SLC2A11: variants seen among roughly 807,000 people sequenced by gnomAD.
SLC2A11 encodes the protein solute carrier family 2, facilitated glucose transporter member 11.
A neutral mutation model predicts 52.1 loss-of-function variants in SLC2A11; 43 were observed. The ratio of observed to expected loss-of-function variants is 0.82; its 90% CI spans 0.65 to 1.06. The LOEUF (loss-of-function observed/expected upper bound fraction) is 1.06. Ranked by LOEUF, SLC2A11 falls within the 50% of genes least tolerant of loss-of-function variation. SLC2A11 has a pLI of 0.00. For missense variants in SLC2A11, 582 were observed against 654.2 expected (o/e 0.89, Z 1.20); for synonymous variants, 261 against 277.6 (o/e 0.94, Z 0.59).
At chr22:23,883,166 G>A in intron 8 of SLC2A11, 1 of 444,414 alleles carries the variant, frequency 2.3e-6, no homozygotes, top group Non-Finnish European at 4.2e-6. Flanking sequence ...GGAGGCTGAG[G>A]CAGGAGAATC....
rs756850956 is a variant in SLC2A11, at chr22:23,882,541, C to T, written c.777C>T (p.Cys259=). ...AGGAGCGCGCTGCCTGCCAGGGCTG[C>T]CGTGCCCGGCGCCCATGGGAGCTGT... ...LEEERAACQG[C]RARRPWELFQ... The change falls in exon 7 of 12, where the codon TGC becomes TGT. Residue 259 remains cysteine (C), a synonymous_variant. Coordinates refer to ENST00000316185, the MANE Select transcript of SLC2A11 (RefSeq NM_001024939.4). The T allele has an allele frequency of 1.9e-6, 3 of 1,607,968 alleles. No individual in the cohort carries two copies. In the Admixed American group the frequency reaches 5.0e-5, roughly 27 times the overall value.
upstream of SLC2A11, chr22:23,857,084 G>GGC: frequency 8.8e-7 from 1 of 1,137,572 alleles, no homozygotes; most frequent in South Asian, 1.3e-5. Flanking sequence ...GGGGGGGGGG[G>GGC]GGTGTAGGTG....
intron 2 of SLC2A11, chr22:23,865,999 C>T (rs951490764): frequency 6.6e-6 from 1 of 151,810 alleles, no homozygotes; most frequent in Non-Finnish European, 1.5e-5. Context: ...GACCCAGTAT[C>T]TACAAAAAAG....
intron 1 of SLC2A11, among the ~76,000 whole-genome samples, chr22:23,858,993 C>T (rs979784088): frequency 6.6e-6 from 1 of 152,224 alleles, no homozygotes; most frequent in Non-Finnish European, 1.5e-5. Flanking sequence ...TAGCTAATGT[C>T]TGAATGCTTA....
At chr22:23,862,237 C>CT in intron 2 of SLC2A11, 35 bp downstream of exon 2, 1 of 1,594,084 alleles carries the variant, frequency 6.3e-7, no homozygotes, top group South Asian at 1.1e-5. Context: ...CTGTCCCTGT[C>CT]TGAGTGGGTA....
At chr22:23,857,164 G>A (rs2031863465), upstream of SLC2A11, 3 of 984,182 alleles carry the variant, frequency 3.0e-6, no homozygotes, top group Non-Finnish European at 4.5e-6. Context: ...TGGCCTCCGA[G>A]GTTCTGGCGG....
chr22:23,878,427 C>T (rs1473749361), intron 6 of SLC2A11, among the ~76,000 whole-genome samples: 2 of 152,162 alleles, frequency 1.3e-5, no homozygotes, highest in African/African-American at 4.8e-5. Context: ...AGCCATTCAG[C>T]TTTGCTGCAC....
chr22:23,883,511 A>T, intron 8 of SLC2A11: 1 of 467,584 alleles, frequency 2.1e-6, no homozygotes. Flanking sequence ...CAATCAATCA[A>T]TCAATGCAGT....
chr22:23,872,551 C>A (rs751399134), intron 3 of SLC2A11: 5 of 152,328 alleles, frequency 3.3e-5, no homozygotes, highest in Admixed American at 1.3e-4. Context: ...GTTGCTAGTA[C>A]TCTGCGATGT....
chr22:23,869,177 C>T (rs765819613), intron 3 of SLC2A11: 2 of 153,458 alleles, frequency 1.3e-5, no homozygotes, highest in African/African-American at 4.8e-5. Context: ...TGGTGAGACC[C>T]CATCTCTACA....
chr22:23,875,344 A>T, intron 4 of SLC2A11, 103 bp downstream of exon 4: 3 of 1,229,406 alleles, frequency 2.4e-6, no homozygotes, highest in Non-Finnish European at 3.1e-6. Flanking sequence ...CCCTTTATTC[A>T]TTCATTTATT....
rs1379790901 is a variant in SLC2A11, at chr22:23,883,817, G to A, written c.1039G>A (p.Gly347Arg). ...RVGRRVLLIG[G>R]YSLMTCWGSI... is the part of the protein sequence containing the mutation. ...GGGTCGGCGCGTGCTGCTCATCGGT[G>A]GGTACAGCCTGATGACCTGCTGGGG... Residue 347 changes from glycine to arginine, a missense_variant, in exon 9 of 12, where the codon GGG becomes AGG. By Grantham distance (125) the Gly-to-Arg change is moderately radical. Transcript: ENST00000316185. 6.4e-7 allele frequency: 1 copy of A among 1,568,278 alleles called. No homozygotes were observed.
chr22:23,876,422 C>A (rs1418078870), intron 4 of SLC2A11, among the ~76,000 whole-genome samples: 1 of 152,004 alleles, frequency 6.6e-6, no homozygotes, highest in Non-Finnish European at 1.5e-5. Context: ...AGGGGCAGGA[C>A]CTTGATGGGA....
upstream of SLC2A11, chr22:23,857,579 C>CCG (rs201808140): frequency 6.8e-7 from 1 of 1,461,318 alleles, no homozygotes; most frequent in Non-Finnish European, 9.4e-7. Flanking sequence ...GACCCCAAAC[C>CCG]CCCCCCCCGC....
intron 3 of SLC2A11, among the ~76,000 whole-genome samples, chr22:23,874,831 C>T (rs1047398651): frequency 6.6e-6 from 1 of 151,190 alleles, no homozygotes; most frequent in Non-Finnish European, 1.5e-5. Context: ...GTGATCTGCC[C>T]GCTTCAACCT....
Position 23,857,912 on chromosome 22 carries a change from C to T in SLC2A11, c.-88C>T, listed in dbSNP as rs2031911389. The T allele has an allele frequency of 6.3e-7, 1 of 1,582,076 alleles. No homozygotes were observed. The highest frequency in any genetic ancestry group is 8.6e-7 in the Non-Finnish European group (1 of 1,165,152). ...TGGGCGCTGCGCGCTGCCCTTCCCT[C>T]CGCGCACAGGCTGCCGGCTCACCGC... On this transcript the variant is annotated 5_prime_UTR_variant, in exon 1 of 12. Transcript: ENST00000316185.
intron 4 of SLC2A11, among the ~76,000 whole-genome samples, chr22:23,876,531 C>A (rs187894890): frequency 6.6e-6 from 1 of 152,164 alleles, no homozygotes; most frequent in Non-Finnish European, 1.5e-5. Flanking sequence ...TCTGGGAGGG[C>A]GCTGGGGTGC....
intron 1 of SLC2A11, among the ~76,000 whole-genome samples, chr22:23,860,994 C>T (rs545175367): frequency 3.9e-5 from 6 of 152,016 alleles, no homozygotes; most frequent in South Asian, 2.1e-4. Context: ...TACAGGTGCC[C>T]GCCACCACGC....
upstream of SLC2A11, chr22:23,857,728 G>C: frequency 1.4e-5 from 17 of 1,249,614 alleles, no homozygotes; most frequent in Non-Finnish European, 1.8e-5. Flanking sequence ...GCCTGAGCTT[G>C]AGTCTCAGGC....
Sources: gnomAD v4.1 joint callset for allele counts (sites outside exome capture counted in the v4.1 genomes callset) on GRCh38, gnomAD v4.1.1 for gene constraint, MANE v1.5 for transcripts, NCBI Gene and HGNC (gene_info 2026-07-23, HGNC 2026-07-21) for gene names.